The following GDPD5 variants were observed in gnomAD, a reference collection of about 807,000 sequenced individuals.
GDPD5 encodes glycerophosphodiester phosphodiesterase 2.
GDPD5 carries 48 observed loss-of-function variants against 75.1 expected under a neutral mutation model. The observed-to-expected ratio is 0.64, with a 90% CI of 0.51 to 0.81. The LOEUF (loss-of-function observed/expected upper bound fraction) is 0.81. GDPD5 is among the 40% of genes least tolerant of loss of function. The probability of loss-of-function intolerance (pLI) is 0.00; values close to 1 mark genes in which losing one functional copy is unlikely to be tolerated. For synonymous variants in GDPD5, 336 were observed against 339.0 expected (o/e 0.99, Z 0.10); for missense variants, 706 against 822.6 (o/e 0.86, Z 1.73).
intron 9 of GDPD5, among the ~76,000 whole-genome samples, chr11:75,446,138 C>T (rs1476096814): frequency 3.3e-5 from 5 of 152,216 alleles, no homozygotes; most frequent in Non-Finnish European, 5.9e-5. Flanking sequence ...GACAGGGGTC[C>T]ACGCTCCCTG....
chr11:75,468,825 C>G (rs1278599734), intron 3 of GDPD5, among the ~76,000 whole-genome samples: 1 of 152,192 alleles, frequency 6.6e-6, no homozygotes, highest in African/African-American at 2.4e-5. Context: ...CACAAAAGAG[C>G]TGGATTTTCA....
rs1948590866 is a variant in GDPD5, at chr11:75,435,103, A to G, written c.*404T>C. On this transcript the variant is annotated 3_prime_UTR_variant, in exon 17 of 17. Transcript: ENST00000336898. ...CCCTTGGGGCAGGATAACAGCAGAG[A>G]ACTCAGGTGCCTCCTGGCACAGACA... 6.3e-6 allele frequency: 1 copy of G among 159,522 alleles called. No homozygotes were observed. Among genetic ancestry groups the G allele is most frequent in the Non-Finnish European group, 1.4e-5 (1 of 73,044 alleles). 9.9% of individuals were successfully genotyped at this position (159,522 alleles called of 1,614,324 possible). A position where few individuals can be genotyped will look rare whatever the true frequency, so the allele number is the denominator to read the frequency against.
chr11:75,451,523 G>A (rs1054033951), intron 6 of GDPD5: 1 of 152,248 alleles, frequency 6.6e-6, no homozygotes, highest in Non-Finnish European at 1.5e-5. Flanking sequence ...GCGCTTTCTC[G>A]GACAGACAGC....
intron 3 of GDPD5, among the ~76,000 whole-genome samples, chr11:75,463,195 C>T (rs986905400): frequency 1.3e-5 from 2 of 152,196 alleles, no homozygotes; most frequent in Non-Finnish European, 2.9e-5. Flanking sequence ...ATTCTGGGGA[C>T]GGCTCCCTTG....
intron 1 of GDPD5, among the ~76,000 whole-genome samples, chr11:75,515,475 C>A (rs555096318): frequency 1.3e-5 from 2 of 152,362 alleles, no homozygotes; most frequent in South Asian, 4.1e-4. Flanking sequence ...GCTGCACGGC[C>A]TGTCCCAGGC....
intron 1 of GDPD5, among the ~76,000 whole-genome samples, chr11:75,511,097 C>T (rs1950509841): frequency 6.6e-6 from 1 of 152,218 alleles, no homozygotes. Flanking sequence ...GTTCCTGGCA[C>T]ACAGTAGATG....
At chr11:75,497,594 C>T (rs142182029) in intron 1 of GDPD5, among the ~76,000 whole-genome samples, 73 of 152,286 alleles carry the variant, frequency 4.8e-4, no homozygotes, top group African/African-American at 1.6e-3. Context: ...GTGGATTGTA[C>T]GTTAAACCTG....
chr11:75,515,825 G>C (rs976908451), intron 1 of GDPD5: 1 of 152,264 alleles, frequency 6.6e-6, no homozygotes, highest in African/African-American at 2.4e-5. Flanking sequence ...GCTTACTTTG[G>C]TGGAGGAGGC....
At chr11:75,480,877 T>G (rs1382723357) in intron 2 of GDPD5, among the ~76,000 whole-genome samples, 1 of 152,258 alleles carries the variant, frequency 6.6e-6, no homozygotes, top group Non-Finnish European at 1.5e-5. Flanking sequence ...TGTCCATAAA[T>G]AACATTTCAT....
At chr11:75,521,239 T>C (rs1427485101) in intron 1 of GDPD5, among the ~76,000 whole-genome samples, 2 of 152,186 alleles carry the variant, frequency 1.3e-5, no homozygotes, top group African/African-American at 2.4e-5. Flanking sequence ...CTGGGCCCCA[T>C]GCTCAGTCCA....
At chr11:75,489,220 T>A (rs1221543405) in intron 2 of GDPD5, among the ~76,000 whole-genome samples, 1 of 152,180 alleles carries the variant, frequency 6.6e-6, no homozygotes, top group Non-Finnish European at 1.5e-5. Flanking sequence ...TCTCACAAAT[T>A]TTTCTTAAAC....
intron 1 of GDPD5, among the ~76,000 whole-genome samples, chr11:75,514,922 G>A (rs1950604556): frequency 6.6e-6 from 1 of 152,250 alleles, no homozygotes; most frequent in African/African-American, 2.4e-5. Flanking sequence ...CAGCCTGGAA[G>A]GTAAGTGTTG....
intron 13 of GDPD5, 76 bp downstream of exon 13, chr11:75,441,566 GTGTT>G: frequency 7.9e-7 from 1 of 1,260,554 alleles, no homozygotes; most frequent in Non-Finnish European, 1.1e-6. Flanking sequence ...GTGTGTGTGT[GTGTT>G]GGGGGGTGGT....
intron 1 of GDPD5, among the ~76,000 whole-genome samples, chr11:75,512,494 G>A (rs1217276201): frequency 6.6e-6 from 1 of 152,126 alleles, no homozygotes; most frequent in Non-Finnish European, 1.5e-5. Context: ...AGGCAGGCGG[G>A]GTTCCTAAGG....
intron 1 of GDPD5, chr11:75,508,833 C>A (rs968690923): frequency 6.6e-6 from 1 of 152,142 alleles, no homozygotes; most frequent in Admixed American, 6.6e-5. Context: ...TGAGAGGGAC[C>A]CCCAGAATTC....
chr11:75,448,710 C>A, intron 9 of GDPD5: 2 of 1,165,438 alleles, frequency 1.7e-6, no homozygotes, highest in Non-Finnish European at 2.1e-6. Flanking sequence ...CTAACTGGCA[C>A]CTGGGTCTAG....
intron 2 of GDPD5, among the ~76,000 whole-genome samples, chr11:75,484,184 T>C (rs981373071): frequency 2.6e-5 from 4 of 152,038 alleles, no homozygotes. Context: ...TGAGACCCTG[T>C]GCGCCACCAT....
intron 2 of GDPD5, among the ~76,000 whole-genome samples, chr11:75,484,986 A>T (rs924665866): frequency 2.0e-5 from 3 of 152,230 alleles, no homozygotes; most frequent in African/African-American, 7.2e-5. Context: ...TGCATCCCAC[A>T]CAATGAGGAA....
At position 75,442,445 on chromosome 11, in the gene GDPD5, G is replaced by A. The variant is rs774223933; in HGVS notation, c.1085C>T (p.Pro362Leu). Residue 362 changes from proline to leucine, a missense_variant, in exon 12 of 17, where the codon CCG becomes CTG. Pro to Leu is a moderately conservative substitution (Grantham distance 98). Transcript: ENST00000336898. ...NATLLLNLRD[P>L]PREHPYRSSF... ...GCTGCGGTAGGGGTGCTCCCGGGGCGGGTCACGCAGGTTGAGCAGCAGTGT... is the reference window on the plus strand; with the variant it reads ...GCTGCGGTAGGGGTGCTCCCGGGGCAGGTCACGCAGGTTGAGCAGCAGTGT... 33 of 1,612,560 alleles carry A rather than the reference G, an allele frequency of 2.0e-5. No homozygotes were observed. The highest frequency in any genetic ancestry group is 1.9e-4 in the South Asian group (17 of 90,798).
Sources: gnomAD v4.1 joint callset for allele counts (sites outside exome capture counted in the v4.1 genomes callset) on GRCh38, gnomAD v4.1.1 for gene constraint, MANE v1.5 for transcripts, NCBI Gene and HGNC (gene_info 2026-07-23, HGNC 2026-07-21) for gene names.